LUZP2: variants seen among roughly 807,000 people sequenced by gnomAD.
LUZP2 encodes leucine zipper protein 2.
Under a neutral mutation model 51.6 loss-of-function variants are expected in LUZP2, and 52 were observed. The observed-to-expected ratio is 1.01, with a 90% confidence interval of 0.81 to 1.27. The LOEUF (loss-of-function observed/expected upper bound fraction) is 1.27. LUZP2 is among the 50% of genes most tolerant of loss of function. The probability of loss-of-function intolerance (pLI) is 0.00; values close to 1 mark genes in which losing one functional copy is unlikely to be tolerated. For synonymous variants in LUZP2, 154 were observed against 137.3 expected, an observed-to-expected ratio of 1.12 and a Z score of -0.85; for missense variants, 436 against 395.4, an observed-to-expected ratio of 1.10 and a Z score of -0.87.
chr11:24,706,604 A>G (rs78907933), intron 1 of LUZP2, among the ~76,000 whole-genome samples: 3,078 of 152,158 alleles, frequency 0.02, 107 homozygotes, highest in African/African-American at 0.069. Context: ...ACTACCATAA[A>G]ATGGCTGTCA....
At chr11:24,912,522 TCTGGGG>T (rs1853666758) in intron 6 of LUZP2, among the ~76,000 whole-genome samples, 1 of 152,026 alleles carries the variant, frequency 6.6e-6, no homozygotes, top group African/African-American at 2.4e-5. Context: ...TTAGAAATAT[TCTGGGG>T]CTGGGCATGG....
intron 5 of LUZP2, among the ~76,000 whole-genome samples, chr11:24,898,964 T>C (rs1210473235): frequency 6.6e-6 from 1 of 152,210 alleles, no homozygotes; most frequent in Non-Finnish European, 1.5e-5. Context: ...GATTCTTTTC[T>C]ACCTGTTTAA....
intron 7 of LUZP2, among the ~76,000 whole-genome samples, chr11:24,973,380 T>TTTTTC (rs57321639): frequency 6.2e-5 from 9 of 145,444 alleles, no homozygotes; most frequent in Admixed American, 1.4e-4. Context: ...TTTTTTTTTT[T>TTTTTC]CAAAAAAACA....
chr11:25,057,095 C>A lies in LUZP2; in HGVS notation c.858+6965C>A, dbSNP rs1162722155. Among the ~76,000 whole-genome samples the A allele has an allele frequency of 2.0e-5, 3 of 152,028 alleles. No homozygotes were observed. In the East Asian group the frequency reaches 5.8e-4, roughly 29 times the overall value. On this transcript the variant is annotated intron_variant, in intron 10 of 11. Coordinates refer to ENST00000336930, the MANE Select transcript of LUZP2 (RefSeq NM_001009909.4). ...GAGAAATTTTGTTGTTCATTTATTG[C>A]AGGTTTATTATGATTATTATATAAA...
chr11:24,633,375 CA>C (rs1854959328), intron 1 of LUZP2, among the ~76,000 whole-genome samples: 1 of 152,000 alleles, frequency 6.6e-6, no homozygotes, highest in Non-Finnish European at 1.5e-5. Context: ...GCAAAAGATA[CA>C]CACAAGTTAG....
At chr11:24,944,772 C>G (rs1456356232) in intron 7 of LUZP2, among the ~76,000 whole-genome samples, 1 of 152,060 alleles carries the variant, frequency 6.6e-6, no homozygotes. Context: ...GTGAAAGGAG[C>G]TAGTGGTGAC....
chr11:24,676,290 A>T (rs1010400623), intron 1 of LUZP2, among the ~76,000 whole-genome samples: 1 of 152,204 alleles, frequency 6.6e-6, no homozygotes, highest in Non-Finnish European at 1.5e-5. Flanking sequence ...TCTTTCTATA[A>T]AGCCCAAATG....
chr11:25,040,002 T>A (rs1239337568), intron 9 of LUZP2, among the ~76,000 whole-genome samples: 1 of 152,152 alleles, frequency 6.6e-6, no homozygotes, highest in Non-Finnish European at 1.5e-5. Context: ...TTTGGGAGGA[T>A]CATGGGTGGA....
chr11:24,981,935 A>T (rs947432152), intron 8 of LUZP2, among the ~76,000 whole-genome samples: 1 of 50,310 alleles, frequency 2.0e-5, no homozygotes, highest in African/African-American at 4.1e-5. Flanking sequence ...CCTCATTAAA[A>T]AATAGGCAAA....
intron 7 of LUZP2, among the ~76,000 whole-genome samples, chr11:24,969,125 T>C (rs898407231): frequency 3.9e-5 from 6 of 152,128 alleles, no homozygotes; most frequent in Non-Finnish European, 8.8e-5. Context: ...CAGTACCCAA[T>C]AGTTATCTTT....
intron 5 of LUZP2, among the ~76,000 whole-genome samples, chr11:24,765,119 G>A (rs1349171051): frequency 6.6e-6 from 1 of 152,016 alleles, no homozygotes; most frequent in East Asian, 1.9e-4. Context: ...GCAATTAAAT[G>A]TTTTCAATTT....
chr11:24,983,789 T>G (rs888088217), intron 9 of LUZP2, among the ~76,000 whole-genome samples: 24 of 143,234 alleles, frequency 1.7e-4, no homozygotes, highest in African/African-American at 3.4e-4. Context: ...ACTCCTGGGG[T>G]TTTTTTTCCC....
chr11:24,636,489 T>A (rs2133936679), intron 1 of LUZP2, among the ~76,000 whole-genome samples: 1 of 152,292 alleles, frequency 6.6e-6, no homozygotes, highest in Non-Finnish European at 1.5e-5. Context: ...TCCCCATTGA[T>A]AAAGTGGGGG....
At chr11:24,814,304 T>C (rs1276572828) in intron 5 of LUZP2, among the ~76,000 whole-genome samples, 3 of 128,634 alleles carry the variant, frequency 2.3e-5, no homozygotes, top group Non-Finnish European at 5.2e-5. Flanking sequence ...GTGTAGATCC[T>C]AGAACATAAG....
rs555546907 is a variant in LUZP2 at position 24,744,805 on chromosome 11, T to A, written c.333+6503T>A. Among the ~76,000 whole-genome samples, 719 of 137,024 alleles carry A rather than the reference T, an allele frequency of 5.2e-3. 9 individuals carry two copies. Among genetic ancestry groups the A allele is most frequent in the African/African-American group, 0.017 (678 of 40,868 alleles). 89.9% of individuals were successfully genotyped at this position (137,024 alleles called of 152,430 possible). A position where few individuals can be genotyped will look rare whatever the true frequency, so the allele number is the denominator to read the frequency against. On this transcript the variant is annotated intron_variant, in intron 4 of 11. Coordinates refer to ENST00000336930, the MANE Select transcript of LUZP2 (RefSeq NM_001009909.4). ...TTCCTTGAGGTGTGACCTTAGAGTG[T>A]CAGTTTGTGCTCTTTCAGTCTTTCT...
intron 5 of LUZP2, among the ~76,000 whole-genome samples, chr11:24,875,035 C>A (rs192118932): frequency 6.6e-6 from 1 of 152,116 alleles, no homozygotes; most frequent in Non-Finnish European, 1.5e-5. Context: ...GGTATATAAA[C>A]AGAGGAGACG....
chr11:24,820,219 G>A lies in LUZP2; in HGVS notation c.396+56911G>A, dbSNP rs114967312. Among the ~76,000 whole-genome samples, 1,034 of 152,220 alleles carry A rather than the reference G, an allele frequency of 6.8e-3. 12 individuals carry two copies. The highest frequency in any genetic ancestry group is 0.024 in the African/African-American group (1,000 of 41,552). ...TGGACTTTAGATAACATTTCGTCAG[G>A]GAGGTGGCACTGGTGCCATGTCATA... is the stretch of plus-strand genomic sequence containing the variant. On this transcript the variant is annotated intron_variant, in intron 5 of 11. Transcript: ENST00000336930.
chr11:24,964,092 C>T (rs1445929911), intron 7 of LUZP2, among the ~76,000 whole-genome samples: 2 of 152,144 alleles, frequency 1.3e-5, no homozygotes, highest in Non-Finnish European at 2.9e-5. Flanking sequence ...ATATGGTTTT[C>T]TTCAATGGCT....
At chr11:25,070,314 C>T (rs941345037) in intron 10 of LUZP2, among the ~76,000 whole-genome samples, 22 of 151,962 alleles carry the variant, frequency 1.4e-4, no homozygotes, top group African/African-American at 5.3e-4. Flanking sequence ...TTTCTAGGGT[C>T]CACCTTCAAA....
Sources: gnomAD v4.1 joint callset for allele counts (sites outside exome capture counted in the v4.1 genomes callset) on GRCh38, gnomAD v4.1.1 for gene constraint, MANE v1.5 for transcripts, NCBI Gene and HGNC (gene_info 2026-07-23, HGNC 2026-07-21) for gene names.